Variants in DIP2B observed in about 807,000 individuals in gnomAD.
DIP2B encodes the protein DIP2 acetate--CoA ligase B (putative).
Under a neutral mutation model 198.0 loss-of-function variants are expected in DIP2B, and 76 were observed. That is an observed-to-expected ratio of 0.38 (90% confidence interval 0.32 to 0.46). The LOEUF (loss-of-function observed/expected upper bound fraction) is 0.46, where lower values mean the gene tolerates loss of function less well. Ranked by LOEUF, DIP2B falls within the 20% of genes least tolerant of loss-of-function variation. The pLI, the probability that DIP2B is intolerant of heterozygous loss-of-function variation, is 0.99. For synonymous variants in DIP2B, 701 were observed against 739.1 expected (o/e 0.95, Z 0.84); for missense variants, 1,559 against 1,978.4 (o/e 0.79, Z 4.02).
At chr12:50,733,153 G>A (rs1313440158) in intron 32 of DIP2B, among the ~76,000 whole-genome samples, 2 of 151,672 alleles carry the variant, frequency 1.3e-5, no homozygotes, top group Non-Finnish European at 2.9e-5. Flanking sequence ...TGATCCAGCC[G>A]CCTCAGCCTC....
intron 1 of DIP2B, among the ~76,000 whole-genome samples, chr12:50,606,005 TA>T (rs1958978329): frequency 6.6e-6 from 1 of 151,278 alleles, no homozygotes. Flanking sequence ...GTATTTTTAG[TA>T]GAGACATTGT....
chr12:50,517,937 A>G (rs533895177), intron 1 of DIP2B, among the ~76,000 whole-genome samples: 171 of 152,284 alleles, frequency 1.1e-3, no homozygotes, highest in African/African-American at 4.0e-3. Flanking sequence ...AAATCTCTGT[A>G]TAAGTAGTCA....
chr12:50,565,072 C>G lies in DIP2B; in HGVS notation c.100+59832C>G, dbSNP rs188542629. On this transcript the variant is annotated intron_variant, in intron 1 of 37. Coordinates refer to ENST00000301180, the MANE Select transcript of DIP2B (RefSeq NM_173602.3). ...AGGCTGGAGTGCAGTGGTGCACTCA[C>G]AGCTCACTATAGCCTTGACCTCCCG... is the stretch of plus-strand genomic sequence containing the variant. Among the ~76,000 whole-genome samples the G allele has an allele frequency of 2.0e-5, 3 of 152,114 alleles. No individual in the cohort carries two copies. The East Asian group carries it at 5.8e-4, about 29-fold the overall frequency.
At chr12:50,609,322 G>A (rs763851638) in intron 1 of DIP2B, among the ~76,000 whole-genome samples, 2 of 152,148 alleles carry the variant, frequency 1.3e-5, no homozygotes, top group African/African-American at 2.4e-5. Context: ...CATTTGCTTT[G>A]TATTTGTTGG....
chr12:50,576,474 C>A (rs1361027225), intron 1 of DIP2B, among the ~76,000 whole-genome samples: 2 of 150,976 alleles, frequency 1.3e-5, no homozygotes, highest in Non-Finnish European at 3.0e-5. Flanking sequence ...GGTCTGACCG[C>A]CCCCCACCTT....
In DIP2B at chr12:50,602,891, G is replaced by A. The variant is rs920484557; in HGVS notation, c.101-23085G>A. ...AAAAAAAAAAAAAAATTGGCGGGGC[G>A]CGGTGGCTCACGCCTGTAATCCCAG... On this transcript the variant is annotated intron_variant, in intron 1 of 37. Coordinates refer to ENST00000301180, the MANE Select transcript of DIP2B (RefSeq NM_173602.3). Among the ~76,000 whole-genome samples, 9 of 141,270 alleles carry A rather than the reference G, an allele frequency of 6.4e-5. No homozygotes were observed. The South Asian group carries it at 1.1e-3, about 18-fold the overall frequency. 92.7% of individuals were successfully genotyped at this position (141,270 alleles called of 152,430 possible).
At chr12:50,674,422 G>C (rs1320092232) in intron 5 of DIP2B, 52 bp from the exon 6 acceptor site, 3 of 1,599,872 alleles carry the variant, frequency 1.9e-6, no homozygotes, top group South Asian at 2.2e-5. Flanking sequence ...AAGATTTGAA[G>C]GTTCTTAGTT....
At chr12:50,696,039 A>G (rs1413490329) in intron 16 of DIP2B, 72 bp downstream of exon 16, 9 of 1,591,816 alleles carry the variant, frequency 5.7e-6, no homozygotes, top group Non-Finnish European at 7.7e-6. Context: ...GCCCTGTACT[A>G]AGATATAATT....
At chr12:50,617,619 G>A in intron 1 of DIP2B, among the ~76,000 whole-genome samples, 1 of 151,974 alleles carries the variant, frequency 6.6e-6, no homozygotes, top group South Asian at 2.1e-4. Flanking sequence ...GACCAGCCTG[G>A]CCAACATGGT....
At chr12:50,534,266 A>T (rs910374357) in intron 1 of DIP2B, among the ~76,000 whole-genome samples, 7 of 152,086 alleles carry the variant, frequency 4.6e-5, no homozygotes, top group Admixed American at 3.3e-4. Context: ...TTTTAGCCAA[A>T]TCCTTATTTT....
intron 1 of DIP2B, among the ~76,000 whole-genome samples, chr12:50,573,062 A>T (rs1471911034): frequency 1.3e-5 from 2 of 152,242 alleles, no homozygotes; most frequent in Non-Finnish European, 2.9e-5. Flanking sequence ...AAAGCCGCAG[A>T]GGGTGTTCTG....
chr12:50,711,612 A>C (rs1939617612), intron 22 of DIP2B, among the ~76,000 whole-genome samples: 1 of 152,124 alleles, frequency 6.6e-6, no homozygotes, highest in Non-Finnish European at 1.5e-5. Context: ...CCCAGGCTGG[A>C]GTACAGTGGC....
intron 1 of DIP2B, among the ~76,000 whole-genome samples, chr12:50,597,994 C>T (rs919308316): frequency 2.0e-5 from 3 of 152,164 alleles, no homozygotes; most frequent in African/African-American, 7.2e-5. Context: ...CGGGGTCACA[C>T]TTAATTCCTT....
At chr12:50,654,453 C>T (rs1938519979) in intron 3 of DIP2B, among the ~76,000 whole-genome samples, 1 of 151,272 alleles carries the variant, frequency 6.6e-6, no homozygotes, top group African/African-American at 2.4e-5. Flanking sequence ...CTCCTGTGCT[C>T]AAGTGATCCT....
Position 50,537,114 on chromosome 12 carries a change from A to ATTTTTTTTTTTTTTTT in DIP2B, c.100+31886_100+31901dup, listed in dbSNP as rs34202995. 2.9e-3 allele frequency among the ~76,000 whole-genome samples: 95 copies of ATTTTTTTTTTTTTTTT among 32,222 alleles called. 21 individuals are homozygous for ATTTTTTTTTTTTTTTT. The highest frequency in any genetic ancestry group is 4.3e-3 in the East Asian group (2 of 468). 21.1% of individuals were successfully genotyped at this position (32,222 alleles called of 152,430 possible). A position where few individuals can be genotyped will look rare whatever the true frequency, so the allele number is the denominator to read the frequency against. On this transcript the variant is annotated intron_variant, in intron 1 of 37. Coordinates refer to ENST00000301180, the MANE Select transcript of DIP2B (RefSeq NM_173602.3). ...CAGATTGCTTGTTTATTATTCTCTA[A>ATTTTTTTTTTTTTTTT]TTTTTTTTTTTTTTTTTTTTTTTTT...
intron 1 of DIP2B, among the ~76,000 whole-genome samples, chr12:50,536,306 T>TACATACATACGC (rs1363502193): frequency 1.3e-5 from 2 of 151,538 alleles, no homozygotes; most frequent in Admixed American, 6.6e-5. Context: ...CATACATACA[T>TACATACATACGC]ACGCCAGGCT....
At chr12:50,614,240 A>G (rs1486399095) in intron 1 of DIP2B, among the ~76,000 whole-genome samples, 1 of 152,022 alleles carries the variant, frequency 6.6e-6, no homozygotes, top group African/African-American at 2.4e-5. Flanking sequence ...CTTATTTTAT[A>G]TTTGTGACAG....
At chr12:50,734,397 GTTCT>G (rs1940101284) in intron 33 of DIP2B, among the ~76,000 whole-genome samples, 1 of 152,150 alleles carries the variant, frequency 6.6e-6, no homozygotes, top group Admixed American at 6.5e-5. Flanking sequence ...TTGCTACACT[GTTCT>G]TTAATATTAA....
At position 50,599,243 on chromosome 12, in the gene DIP2B, G is replaced by C. The variant is rs1455258640; in HGVS notation, c.101-26733G>C. Among the ~76,000 whole-genome samples the C allele has an allele frequency of 6.9e-4, 102 of 148,352 alleles. 2 individuals carry two copies. The highest frequency in any genetic ancestry group is 4.4e-5 in the Non-Finnish European group (3 of 67,502). ...GGAGGTGAAGGTTGCAGTGAACCGAGATGGCACCACTTCACTTCAACCTGG... is the reference window on the plus strand; with the variant it reads ...GGAGGTGAAGGTTGCAGTGAACCGACATGGCACCACTTCACTTCAACCTGG... On this transcript the variant is annotated intron_variant, in intron 1 of 37. Coordinates refer to ENST00000301180, the MANE Select transcript of DIP2B (RefSeq NM_173602.3).
Sources: gnomAD v4.1 joint callset for allele counts (sites outside exome capture counted in the v4.1 genomes callset) on GRCh38, gnomAD v4.1.1 for gene constraint, MANE v1.5 for transcripts, NCBI Gene and HGNC (gene_info 2026-07-23, HGNC 2026-07-21) for gene names.